The following ZSWIM8 variants were observed in gnomAD, a reference collection of about 807,000 sequenced individuals.
ZSWIM8 encodes the protein zinc finger SWIM domain-containing protein 8.
ZSWIM8 carries 27 observed loss-of-function variants against 173.7 expected under a neutral mutation model. The ratio of observed to expected loss-of-function variants is 0.16; its 90% confidence interval spans 0.11 to 0.21. The LOEUF is 0.21. ZSWIM8 is among the 10% of genes least tolerant of loss of function. The probability of loss-of-function intolerance (pLI) is 1.00; values close to 1 mark genes in which losing one functional copy is unlikely to be tolerated. For synonymous variants in ZSWIM8, 958 were observed against 962.0 expected, an observed-to-expected ratio of 1.00 and a Z score of 0.08; for missense variants, 1,627 against 2,428.8, an observed-to-expected ratio of 0.67 and a Z score of 6.94.
rs2132687415 is a variant in ZSWIM8, at chr10:73,791,398, C to T, written c.1218C>T (p.Asn406=). 4 of 1,613,934 alleles carry T rather than the reference C, an allele frequency of 2.5e-6. No homozygotes were observed. Among genetic ancestry groups the T allele is most frequent in the Non-Finnish European group, 3.4e-6 (4 of 1,179,828 alleles). ...CCAGTGGGCACACGGGCCGTAGCAA[C>T]GGGCAGTCAGAGGTGGCAGCCCATG... ...SSASGHTGRS[N]GQSEVAAHAC... The change falls in exon 9 of 26, where the codon AAC becomes AAT. Residue 406 remains asparagine (N), a synonymous_variant. Transcript: ENST00000604729. This position sits in a 1 kb window ranked among gnomAD's most constrained non-coding sequence, Gnocchi z 6.0.
chr10:73,790,352 T>C, intron 7 of ZSWIM8, 60 bp downstream of exon 7: 3 of 1,537,224 alleles, frequency 2.0e-6, no homozygotes, highest in Non-Finnish European at 2.6e-6. Context: ...CTCAGGCTGA[T>C]GACAGATCCT....
Position 73,792,702 on chromosome 10 carries a change from A to G in ZSWIM8, c.2163A>G (p.Ala721=), listed in dbSNP as rs374548281. 216 of 1,613,834 alleles carry G rather than the reference A, an allele frequency of 1.3e-4. No individual in the cohort carries two copies. The highest frequency in any genetic ancestry group is 1.8e-4 in the Admixed American group (11 of 60,014). ...CCAAAACCAAAGAGGCAGCCCCTGCAGTTGGAGAGGAGGATGATGACTACC... is the reference window on the plus strand; with the variant it reads ...CCAAAACCAAAGAGGCAGCCCCTGCGGTTGGAGAGGAGGATGATGACTACC... ...GLPKTKEAAP[A]VGEEDDDYQA... The change falls in exon 10 of 26, where the codon GCA becomes GCG. Residue 721 remains alanine, a synonymous_variant. Transcript: ENST00000604729. This position sits in a 1 kb window ranked among gnomAD's most constrained non-coding sequence, Gnocchi z 4.3.
Position 73,797,340 on chromosome 10 carries a change from C to T in ZSWIM8, c.3434-37C>T, listed in dbSNP as rs375756220. Reference sequence around the variant, plus strand: ...AAGGTTGGAGTCTTAACATCTGGGACTCCTGACTTCTGAGACTGACTTCTC... The same window carrying T: ...AAGGTTGGAGTCTTAACATCTGGGATTCCTGACTTCTGAGACTGACTTCTC... On this transcript the variant is annotated intron_variant, in intron 17 of 25. Transcript: ENST00000604729. The surrounding 1 kb of genome is among the most constrained non-coding windows in gnomAD (Gnocchi z 5.6). 1.7e-4 allele frequency: 282 copies of T among 1,612,946 alleles called. No individual in the cohort carries two copies. Among genetic ancestry groups the T allele is most frequent in the Non-Finnish European group, 2.3e-4 (269 of 1,179,174 alleles).
chr10:73,798,144 T>C, intron 19 of ZSWIM8, 74 bp downstream of exon 19: 1 of 1,593,050 alleles, frequency 6.3e-7, no homozygotes, highest in South Asian at 1.1e-5. Flanking sequence ...CTTTGTGGGG[T>C]TACTGATCTG....
At position 73,792,855 on chromosome 10, in the gene ZSWIM8, G is replaced by C. The variant is rs376326353; in HGVS notation, c.2313+3G>C. 99 of 1,542,922 alleles carry C rather than the reference G, an allele frequency of 6.4e-5. No individual in the cohort carries two copies. The highest frequency in any genetic ancestry group is 1.1e-4 in the African/African-American group (8 of 73,374). ...TGGAACAGGAGAGTCGCATGGAGGT[G>C]AGGGGATGGAAGGAGGGAGGGCTGG... On this transcript the variant is annotated splice_donor_region_variant and intron_variant, in intron 10 of 25. Transcript: ENST00000604729. The surrounding 1 kb of genome is among the most constrained non-coding windows in gnomAD (Gnocchi z 4.3).
Position 73,789,651 on chromosome 10 carries a change from T to A in ZSWIM8, c.631-66T>A, listed in dbSNP as rs2083346523. 1.3e-6 allele frequency: 2 copies of A among 1,548,618 alleles called. No individual in the cohort carries two copies. The highest frequency in any genetic ancestry group is 2.7e-5 in the African/African-American group (2 of 73,088). ...TCGCCTCGCCTACTCTGCCTCTCTG[T>A]CCCCCAGCTCCAGCTCCAGCAAACC... On this transcript the variant is annotated intron_variant, in intron 4 of 25. Transcript: ENST00000604729. The surrounding 1 kb of genome is among the most constrained non-coding windows in gnomAD (Gnocchi z 6.8).
At position 73,785,687 on chromosome 10, in the gene ZSWIM8, C is replaced by T. The variant is rs2083193285; in HGVS notation, c.-192C>T. 1.6e-5 allele frequency: 11 copies of T among 667,870 alleles called. No individual in the cohort carries two copies. Among genetic ancestry groups the T allele is most frequent in the Non-Finnish European group, 2.7e-5 (10 of 366,562 alleles). The allele number at this position is 667,870 out of a possible 1,614,324, so 41.4% of individuals were successfully genotyped here. A position where few individuals can be genotyped will look rare whatever the true frequency, so the allele number is the denominator to read the frequency against. ...CTGGCCAAGATCACCGCTTGCACCGCGCTGTTGGGCGAGGCCCGGTCCCGT... is the reference window on the plus strand; with the variant it reads ...CTGGCCAAGATCACCGCTTGCACCGTGCTGTTGGGCGAGGCCCGGTCCCGT... On this transcript the variant is annotated 5_prime_UTR_variant, in exon 1 of 26. Coordinates refer to ENST00000604729, the MANE Select transcript of ZSWIM8 (RefSeq NM_001367799.1).
At chr10:73,786,433 T>G (rs1242181009) in intron 1 of ZSWIM8, 1 of 262,490 alleles carries the variant, frequency 3.8e-6, no homozygotes, top group African/African-American at 2.2e-5. Context: ...AGAGAGGGGA[T>G]AAGGGAGAAG....
Position 73,795,520 on chromosome 10 carries a change from A to G in ZSWIM8, c.2909-19A>G. 1 of 1,613,462 alleles carries G rather than the reference A, an allele frequency of 6.2e-7. No homozygotes were observed. The highest frequency in any genetic ancestry group is 1.1e-5 in the South Asian group (1 of 91,056). ...AATTATGACTACTCTCAATCCCCAT[A>G]AGGTCCTCTTTCTCGCAGGCATGAA... On this transcript the variant is annotated intron_variant, in intron 14 of 25. Coordinates refer to ENST00000604729, the MANE Select transcript of ZSWIM8 (RefSeq NM_001367799.1).
intron 15 of ZSWIM8, 33 bp downstream of exon 15, chr10:73,795,696 G>A (rs751594600): frequency 3.1e-6 from 5 of 1,599,206 alleles, no homozygotes; most frequent in Non-Finnish European, 4.3e-6. Context: ...GGTGGCTCAT[G>A]CCTGTAATCC....
At chr10:73,794,475 G>A (rs1471946652) in intron 13 of ZSWIM8, 66 bp from the exon 14 acceptor site, 1 of 1,569,110 alleles carries the variant, frequency 6.4e-7, no homozygotes, top group African/African-American at 1.4e-5. Context: ...AGGATTTTGG[G>A]TTCCCCTGTA....
At chr10:73,788,236 TG>T (rs1053701976) in intron 1 of ZSWIM8, among the ~76,000 whole-genome samples, 1 of 142,382 alleles carries the variant, frequency 7.0e-6, no homozygotes, top group African/African-American at 2.6e-5. Flanking sequence ...GTAAAAGGGA[TG>T]GTTAAAAAAA....
intron 21 of ZSWIM8, 110 bp from the exon 22 acceptor site, chr10:73,799,901 A>G: frequency 2.5e-6 from 2 of 810,926 alleles, no homozygotes; most frequent in Non-Finnish European, 3.8e-6. Context: ...GGACAGAGCG[A>G]GACTCTATCT....
Position 73,789,310 on chromosome 10 carries a change from A to G in ZSWIM8, c.458-57A>G. 6.4e-7 allele frequency: 1 copy of G among 1,569,446 alleles called. No individual in the cohort carries two copies. The highest frequency in any genetic ancestry group is 8.7e-7 in the Non-Finnish European group (1 of 1,155,106). On this transcript the variant is annotated intron_variant, in intron 3 of 25. Coordinates refer to ENST00000604729, the MANE Select transcript of ZSWIM8 (RefSeq NM_001367799.1). This position sits in a 1 kb window ranked among gnomAD's most constrained non-coding sequence, Gnocchi z 6.8. ...CTGAATAACTGCAGGGCCAGGGTCA[A>G]GGGCAGAGACCCAGGTCCTGACAGC...
chr10:73,792,342 C>A lies in ZSWIM8; in HGVS notation c.1803C>A (p.Gly601=). 6.2e-7 allele frequency: 1 copy of A among 1,612,076 alleles called. No individual in the cohort carries two copies. Among genetic ancestry groups the A allele is most frequent in the Non-Finnish European group, 8.5e-7 (1 of 1,179,120 alleles). ...GTGGGAGCAAGGGCTCAGCAGGTGG[C>A]GGAAGCAAGCGACGGCTGAGCAGCG... is the stretch of plus-strand genomic sequence containing the variant. ...AGSGSKGSAG[G]GSKRRLSSED... is the part of the protein sequence containing the mutation. The change falls in exon 10 of 26, where the codon GGC becomes GGA. Residue 601 remains glycine (G), a synonymous_variant. Transcript: ENST00000604729. This position sits in a 1 kb window ranked among gnomAD's most constrained non-coding sequence, Gnocchi z 4.3.
chr10:73,798,725 C>G (rs1348008243), intron 20 of ZSWIM8, among the ~76,000 whole-genome samples: 3 of 152,170 alleles, frequency 2.0e-5, no homozygotes, highest in Non-Finnish European at 1.5e-5. Flanking sequence ...GGATAGAAAA[C>G]TTAGGGAAGG....
chr10:73,791,627 CTGGTGTTAGCAG>C lies in ZSWIM8; in HGVS notation c.1319+131_1319+142del. ...CTCGGGAAACGGGAGGTGCTGAGCACTGGTGTTAGCAGTGATTTACGAGTCCTTTTTCTGAGA... is the reference window on the plus strand; with the variant it reads ...CTCGGGAAACGGGAGGTGCTGAGCACTGATTTACGAGTCCTTTTTCTGAGA... On this transcript the variant is annotated intron_variant, in intron 9 of 25. Coordinates refer to ENST00000604729, the MANE Select transcript of ZSWIM8 (RefSeq NM_001367799.1). The surrounding 1 kb of genome is among the most constrained non-coding windows in gnomAD (Gnocchi z 6.0). 30 of 1,194,864 alleles carry C rather than the reference CTGGTGTTAGCAG, an allele frequency of 2.5e-5. No homozygotes were observed. The highest frequency in any genetic ancestry group is 3.2e-5 in the Non-Finnish European group (28 of 879,594). 74.0% of individuals were successfully genotyped at this position (1,194,864 alleles called of 1,614,324 possible).
At position 73,799,301 on chromosome 10, in the gene ZSWIM8, G is replaced by A. The variant is rs1565087248; in HGVS notation, c.4476G>A (p.Val1492=). Residue 1492 remains valine (V), a synonymous_variant, in exon 21 of 26, where the codon GTG becomes GTA. Transcript: ENST00000604729. The part of the protein sequence containing the change: ...AAATVVPVIS[V]GSSLYPGPGL... ...CCACAGTGGTGCCCGTCATATCGGT[G>A]GGGTCTAGTTTATACCCGGGTCCAG... The A allele has an allele frequency of 2.5e-6, 4 of 1,605,354 alleles. No individual in the cohort carries two copies. Among genetic ancestry groups the A allele is most frequent in the Non-Finnish European group, 3.4e-6 (4 of 1,176,116 alleles).
chr10:73,789,997 T>A lies in ZSWIM8; in HGVS notation c.780T>A (p.Ser260=), dbSNP rs764732227. Residue 260 remains serine (S), a synonymous_variant, in exon 6 of 26, where the codon TCT becomes TCA. Transcript: ENST00000604729. The surrounding 1 kb of genome is among the most constrained non-coding windows in gnomAD (Gnocchi z 6.8). ...TAQRLLDELL[S]SQSTAINTVC... is the part of the protein sequence containing the mutation. Reference sequence around the variant, plus strand: ...AGCGTCTCCTGGACGAACTCCTGTCTTCCCAGTCAACAGCCATCAATACAG... The same window carrying A: ...AGCGTCTCCTGGACGAACTCCTGTCATCCCAGTCAACAGCCATCAATACAG... 2 of 1,613,416 alleles carry A rather than the reference T, an allele frequency of 1.2e-6. No homozygotes were observed. Among genetic ancestry groups the A allele is most frequent in the African/African-American group, 2.7e-5 (2 of 74,926 alleles).
Sources: allele counts gnomAD v4.1 joint callset (sites outside exome capture counted in the v4.1 genomes callset), GRCh38; gene constraint gnomAD v4.1.1; non-coding constraint Gnocchi (gnomAD v3.1); transcripts MANE v1.5; gene names NCBI Gene and HGNC (gene_info 2026-07-23, HGNC 2026-07-21).